Variants in VPS50 observed in about 807,000 individuals in gnomAD.
VPS50 encodes the protein VPS50 subunit of EARP/GARPII complex, also known as syndetin.
In VPS50, 70 loss-of-function variants were observed where a neutral mutation model predicts 139.7. The ratio of observed to expected loss-of-function variants is 0.50; its 90% confidence interval spans 0.41 to 0.61. The LOEUF (loss-of-function observed/expected upper bound fraction) is 0.61. Among genes scored for constraint, VPS50 ranks in the 20% least tolerant of loss-of-function variants. The pLI, the probability that VPS50 is intolerant of heterozygous loss-of-function variation, is 0.00. For synonymous variants in VPS50, 365 were observed against 376.7 expected (o/e 0.97, Z 0.36); for missense variants, 921 against 1,133.7 (o/e 0.81, Z 2.69).
chr7:93,323,191 T>A (rs1258224344), intron 20 of VPS50: 8 of 152,104 alleles, frequency 5.3e-5, no homozygotes, highest in African/African-American at 1.9e-4. Context: ...TAAATATATT[T>A]TATTTTCCTC....
chr7:93,320,344 A>G (rs1396859042), intron 20 of VPS50: 1 of 115,564 alleles, frequency 8.7e-6, no homozygotes, highest in Non-Finnish European at 1.8e-5. Context: ...TCAGTTTATC[A>G]TTTCTTTTTT....
intron 19 of VPS50, among the ~76,000 whole-genome samples, chr7:93,309,240 A>G (rs1385200401): frequency 6.6e-6 from 1 of 151,924 alleles, no homozygotes; most frequent in African/African-American, 2.4e-5. Flanking sequence ...TGGATTGTTA[A>G]TGTGTCAAAA....
At chr7:93,343,378 G>T (rs1178138737) in intron 23 of VPS50, among the ~76,000 whole-genome samples, 1 of 152,096 alleles carries the variant, frequency 6.6e-6, no homozygotes, top group Non-Finnish European at 1.5e-5. Context: ...GAAAGTGACG[G>T]GGAGAATGGA....
intron 22 of VPS50, 47 bp from the exon 23 acceptor site, chr7:93,341,380 T>C (rs189315532): frequency 7.2e-7 from 1 of 1,381,184 alleles, no homozygotes; most frequent in African/African-American, 1.5e-5. Context: ...CGTGGTTTAT[T>C]ACTGTTAGAT....
chr7:93,308,168 C>G (rs1420620808), intron 18 of VPS50, among the ~76,000 whole-genome samples: 1 of 151,744 alleles, frequency 6.6e-6, no homozygotes, highest in African/African-American at 2.4e-5. Context: ...AGTGCTGTCA[C>G]TGCTTCCTTT....
intron 12 of VPS50, among the ~76,000 whole-genome samples, chr7:93,282,203 C>CAA (rs1286093079): frequency 2.7e-5 from 3 of 112,682 alleles, no homozygotes; most frequent in Non-Finnish European, 3.8e-5. Context: ...GACTCCGTCT[C>CAA]AAAAAAAAAA....
At chr7:93,278,610 A>T (rs1411275968) in intron 12 of VPS50, among the ~76,000 whole-genome samples, 2 of 150,714 alleles carry the variant, frequency 1.3e-5, no homozygotes, top group Non-Finnish European at 3.0e-5. Context: ...AAAAAAAAAA[A>T]GCTGAGTGTA....
intron 16 of VPS50, among the ~76,000 whole-genome samples, chr7:93,298,197 T>C (rs1355136711): frequency 6.6e-6 from 1 of 152,178 alleles, no homozygotes; most frequent in East Asian, 1.9e-4. Context: ...AATTGAACTA[T>C]ACTAAAGCAG....
intron 20 of VPS50, among the ~76,000 whole-genome samples, chr7:93,318,689 T>C: frequency 6.6e-6 from 1 of 152,180 alleles, no homozygotes; most frequent in African/African-American, 2.4e-5. Context: ...GATGTTGGAC[T>C]GACAAACCTT....
At chr7:93,320,190 G>A (rs1419259246) in intron 20 of VPS50, among the ~76,000 whole-genome samples, 1 of 152,122 alleles carries the variant, frequency 6.6e-6, no homozygotes, top group African/African-American at 2.4e-5. Context: ...GGAACTTTGT[G>A]TGAAATATAG....
intron 12 of VPS50, among the ~76,000 whole-genome samples, chr7:93,287,543 AAATT>A (rs1343023302): frequency 2.0e-5 from 3 of 152,116 alleles, no homozygotes; most frequent in African/African-American, 7.2e-5. Context: ...AGTATAATAG[AAATT>A]AATTATAACA....
In VPS50 at chr7:93,259,549, G is replaced by A; in HGVS notation, c.577-1G>A. 1.3e-6 allele frequency: 2 copies of A among 1,540,314 alleles called. No individual in the cohort carries two copies. Among genetic ancestry groups the A allele is most frequent in the Non-Finnish European group, 1.8e-6 (2 of 1,114,458 alleles). ...ATGACTCCTGTTGTTGTTACCTTAA[G>A]GAGGAAGATTATCCAGGAGCTATTC... is the stretch of plus-strand genomic sequence containing the variant. On this transcript the variant is annotated splice_acceptor_variant, in intron 8 of 27. Transcript: ENST00000305866. LOFTEE classifies it high-confidence loss of function.
intron 3 of VPS50, 99 bp downstream of exon 3, chr7:93,252,874 G>A (rs1795376219): frequency 1.1e-6 from 1 of 882,628 alleles, no homozygotes; most frequent in African/African-American, 1.7e-5. Flanking sequence ...TGTATTTTTG[G>A]TACCAGAATA....
chr7:93,255,246 T>G (rs993990347), intron 4 of VPS50, among the ~76,000 whole-genome samples: 4 of 152,224 alleles, frequency 2.6e-5, no homozygotes, highest in African/African-American at 4.8e-5. Context: ...TTTCCTGCAG[T>G]TAGACGGTCC....
chr7:93,250,974 A>G (rs548439422), intron 2 of VPS50, among the ~76,000 whole-genome samples: 1 of 152,344 alleles, frequency 6.6e-6, no homozygotes, highest in Non-Finnish European at 1.5e-5. Context: ...CAAAACCACA[A>G]TGAGATACCA....
chr7:93,357,424 T>A (rs1443577474), intron 27 of VPS50, among the ~76,000 whole-genome samples: 1 of 152,086 alleles, frequency 6.6e-6, no homozygotes, highest in African/African-American at 2.4e-5. Flanking sequence ...CAATGATGAG[T>A]CCAGCGATCA....
Position 93,339,790 on chromosome 7 carries a change from A to C in VPS50, c.2059-1637A>C, listed in dbSNP as rs560898613. 2.4e-4 allele frequency among the ~76,000 whole-genome samples: 36 copies of C among 152,250 alleles called. No individual in the cohort carries two copies. The South Asian group carries it at 6.8e-3, about 29-fold the overall frequency. ...ATTCAATCAACATTTTAAAACTTTG[A>C]GTGGGGGCAGGGGTTAACTTGTATT... On this transcript the variant is annotated intron_variant, in intron 22 of 27. Transcript: ENST00000305866.
Position 93,272,747 on chromosome 7 carries a change from G to C in VPS50, c.801+14G>C, listed in dbSNP as rs751028125. ...GGAAAAACACAGGTTTGTTACAAAA[G>C]GATGTTTGGATTTTTCCTTAATCAG... On this transcript the variant is annotated intron_variant, in intron 11 of 27. Coordinates refer to ENST00000305866, the MANE Select transcript of VPS50 (RefSeq NM_017667.4). 2.0e-5 allele frequency: 24 copies of C among 1,220,236 alleles called. No individual in the cohort carries two copies. The highest frequency in any genetic ancestry group is 1.7e-4 in the South Asian group (13 of 76,490). The allele number at this position is 1,220,236 out of a possible 1,614,324, so 75.6% of individuals were successfully genotyped here.
intron 9 of VPS50, among the ~76,000 whole-genome samples, chr7:93,270,679 C>T (rs969382987): frequency 4.6e-5 from 7 of 151,922 alleles, no homozygotes; most frequent in Admixed American, 4.6e-4. Context: ...TTTCCCCTTC[C>T]TCTAGCATCA....
Sources: gnomAD v4.1 joint callset for allele counts (sites outside exome capture counted in the v4.1 genomes callset) on GRCh38, gnomAD v4.1.1 for gene constraint, MANE v1.5 for transcripts, NCBI Gene and HGNC (gene_info 2026-07-23, HGNC 2026-07-21) for gene names.